Variants in GRM8 observed in about 807,000 individuals in gnomAD.
GRM8 encodes metabotropic glutamate receptor 8.
A neutral mutation model predicts 87.2 loss-of-function variants in GRM8; 47 were observed. The observed-to-expected ratio is 0.54, with a 90% confidence interval of 0.43 to 0.69. GRM8 has a LOEUF of 0.69. Ranked by LOEUF, GRM8 falls within the 30% of genes least tolerant of loss-of-function variation. The probability of loss-of-function intolerance (pLI) is 0.00; values close to 1 mark genes in which losing one functional copy is unlikely to be tolerated. For synonymous variants in GRM8, 396 were observed against 404.5 expected (o/e 0.98, Z 0.25); for missense variants, 1,019 against 1,139.2 (o/e 0.89, Z 1.52).
At chr7:127,059,278 A>AT (rs1820353353) in intron 3 of GRM8, among the ~76,000 whole-genome samples, 1 of 150,880 alleles carries the variant, frequency 6.6e-6, no homozygotes, top group Non-Finnish European at 1.5e-5. Context: ...TAAATCCGTC[A>AT]TTTTGTAGAT....
intron 3 of GRM8, among the ~76,000 whole-genome samples, chr7:126,910,967 T>C (rs910939823): frequency 6.6e-6 from 1 of 152,208 alleles, no homozygotes; most frequent in Non-Finnish European, 1.5e-5. Context: ...AGGTTCATAA[T>C]AACTATCTCT....
At chr7:126,703,367 G>T (rs2283069) in intron 7 of GRM8, among the ~76,000 whole-genome samples, 9,274 of 152,058 alleles carry the variant, frequency 0.061, 577 homozygotes, top group East Asian at 0.32. Flanking sequence ...TTTGTTTTTG[G>T]GTATCTTTGG....
At chr7:126,838,910 G>C (rs537094913) in intron 6 of GRM8, among the ~76,000 whole-genome samples, 31 of 152,260 alleles carry the variant, frequency 2.0e-4, no homozygotes, top group Non-Finnish European at 4.3e-4. Context: ...TCAGGTGTAC[G>C]CTTTGCCCAT....
rs544912519 is a variant in GRM8, at chr7:126,893,127, T to C, written c.1156+9415A>G. Among the ~76,000 whole-genome samples the C allele has an allele frequency of 3.1e-4, 47 of 152,218 alleles. No individual in the cohort carries two copies. In the South Asian group the frequency reaches 3.9e-3, roughly 13 times the overall value. ...CATTAGAGGTAGTATGGAAATAAAG[T>C]GCTTTCCCCTCAAATAGTATAAATG... On this transcript the variant is annotated intron_variant, in intron 6 of 10. Coordinates refer to ENST00000339582, the MANE Select transcript of GRM8 (RefSeq NM_000845.3).
At chr7:127,079,121 TTC>T (rs1822587031) in intron 3 of GRM8, among the ~76,000 whole-genome samples, 3 of 152,134 alleles carry the variant, frequency 2.0e-5, no homozygotes, top group African/African-American at 7.2e-5. Context: ...TGTTTCTTTT[TTC>T]TTTCTTTCTT....
At chr7:127,014,749 C>T (rs1331659894) in intron 3 of GRM8, among the ~76,000 whole-genome samples, 1 of 151,866 alleles carries the variant, frequency 6.6e-6, no homozygotes, top group East Asian at 1.9e-4. Context: ...ATTAGTTTTG[C>T]CACCTGCCTT....
intron 9 of GRM8, among the ~76,000 whole-genome samples, chr7:126,524,123 G>C (rs1007184101): frequency 1.3e-5 from 2 of 151,964 alleles, no homozygotes; most frequent in Non-Finnish European, 2.9e-5. Flanking sequence ...TGAATATATT[G>C]TGAATATATT....
chr7:126,962,558 T>C (rs1281058032), intron 3 of GRM8, among the ~76,000 whole-genome samples: 1 of 152,250 alleles, frequency 6.6e-6, no homozygotes, highest in African/African-American at 2.4e-5. Context: ...CAGAAGTTTA[T>C]GTTTAAATGA....
intron 2 of GRM8, among the ~76,000 whole-genome samples, chr7:127,165,338 T>G (rs1793390395): frequency 6.6e-6 from 1 of 151,562 alleles, no homozygotes; most frequent in Non-Finnish European, 1.5e-5. Context: ...AATTAGTTTT[T>G]AAGCTCATTT....
intron 7 of GRM8, among the ~76,000 whole-genome samples, chr7:126,684,029 C>G: frequency 6.6e-6 from 1 of 151,786 alleles, no homozygotes; most frequent in South Asian, 2.1e-4. Flanking sequence ...CATTGCCTAG[C>G]GTAATATCTA....
intron 7 of GRM8, among the ~76,000 whole-genome samples, chr7:126,702,940 A>G (rs1176774741): frequency 6.6e-6 from 1 of 152,156 alleles, no homozygotes; most frequent in East Asian, 1.9e-4. Context: ...TAGCAAGCGT[A>G]CAGGGTCAAG....
At chr7:127,210,781 G>C (rs1796168333) in intron 2 of GRM8, among the ~76,000 whole-genome samples, 1 of 152,074 alleles carries the variant, frequency 6.6e-6, no homozygotes, top group Non-Finnish European at 1.5e-5. Flanking sequence ...TAGAAAATAA[G>C]CACAAATAAA....
intron 7 of GRM8, among the ~76,000 whole-genome samples, chr7:126,656,629 C>G (rs1804561928): frequency 6.6e-6 from 1 of 152,066 alleles, no homozygotes. Flanking sequence ...GATTGTGCCA[C>G]TGCACTCTAG....
intron 3 of GRM8, among the ~76,000 whole-genome samples, chr7:127,051,422 T>C (rs1417117470): frequency 4.0e-5 from 6 of 151,876 alleles, no homozygotes; most frequent in Non-Finnish European, 8.8e-5. Flanking sequence ...ATTTGTACAA[T>C]ACCCCATGTT....
chr7:127,112,124 A>G (rs1826403220), intron 2 of GRM8: 1 of 152,154 alleles, frequency 6.6e-6, no homozygotes, highest in Non-Finnish European at 1.5e-5. Context: ...CTCCTGTCAC[A>G]GGATCCTTTG....
chr7:126,446,382 GAAA>G lies in GRM8; in HGVS notation c.2431-13_2431-11del. The G allele has an allele frequency of 7.1e-7, 1 of 1,415,050 alleles. No individual in the cohort carries two copies. Among genetic ancestry groups the G allele is most frequent in the Non-Finnish European group, 9.6e-7 (1 of 1,046,998 alleles). 87.7% of individuals were successfully genotyped at this position (1,415,050 alleles called of 1,614,324 possible). On this transcript the variant is annotated splice_polypyrimidine_tract_variant and intron_variant, in intron 9 of 10. Coordinates refer to ENST00000339582, the MANE Select transcript of GRM8 (RefSeq NM_000845.3). Reference sequence around the variant, plus strand: ...TTGTCTGGATGTACATCTGAGGGAAGAAAAAAAAAAGAATCACTGTTGGTAAGC... The same window carrying G: ...TTGTCTGGATGTACATCTGAGGGAAGAAAAAAAGAATCACTGTTGGTAAGC...
Position 126,771,364 on chromosome 7 carries a change from G to A in GRM8, c.1157-1299C>T, listed in dbSNP as rs527430533. Among the ~76,000 whole-genome samples, 10 of 151,424 alleles carry A rather than the reference G, an allele frequency of 6.6e-5. No homozygotes were observed. The South Asian group carries it at 1.9e-3, about 29-fold the overall frequency. ...CTTGTGACACTCTGTGCTTTTAGAT[G>A]CTCTTGGTTGGTATTCTGGTCTCTG... On this transcript the variant is annotated intron_variant, in intron 6 of 10. Transcript: ENST00000339582.
intron 3 of GRM8, among the ~76,000 whole-genome samples, chr7:126,992,188 T>G (rs1812726534): frequency 6.6e-6 from 1 of 152,206 alleles, no homozygotes; most frequent in Non-Finnish European, 1.5e-5. Context: ...TAAGCTCTTA[T>G]GCTCTCCTGA....
intron 9 of GRM8, among the ~76,000 whole-genome samples, chr7:126,473,671 T>A (rs553783495): frequency 3.9e-5 from 6 of 152,130 alleles, no homozygotes; most frequent in Non-Finnish European, 7.4e-5. Flanking sequence ...AGGGGCCAGC[T>A]TGGAATAATA....
Sources: allele counts gnomAD v4.1 joint callset (sites outside exome capture counted in the v4.1 genomes callset), GRCh38; gene constraint gnomAD v4.1.1; transcripts MANE v1.5; gene names NCBI Gene and HGNC (gene_info 2026-07-23, HGNC 2026-07-21).